NBPF15: variants seen among roughly 807,000 people sequenced by gnomAD.
NBPF15 encodes NBPF member 15, also known as NBPF family member NBPF15.
Under a neutral mutation model 62.2 loss-of-function variants are expected in NBPF15, and 74 were observed. The ratio of observed to expected loss-of-function variants is 1.19; its 90% CI spans 0.99 to 1.44. The LOEUF is 1.44. NBPF15 is among the 40% of genes most tolerant of loss of function. The pLI, the probability that NBPF15 is intolerant of heterozygous loss-of-function variation, is 0.00. For missense variants in NBPF15, 790 were observed against 550.0 expected (o/e 1.44, Z -4.36); for synonymous variants, 244 against 209.7 (o/e 1.16, Z -1.41).
chr1:144,437,476 T>C (rs1679374088), intron 9 of NBPF15, among the ~76,000 whole-genome samples: 1 of 144,114 alleles, frequency 6.9e-6, no homozygotes, highest in Non-Finnish European at 1.5e-5. Flanking sequence ...TACAAAGCCA[T>C]GTACAGAAAT....
chr1:144,444,099 A>G (rs1358875341), intron 6 of NBPF15, among the ~76,000 whole-genome samples: 2 of 151,768 alleles, frequency 1.3e-5, no homozygotes, highest in Non-Finnish European at 2.9e-5. Flanking sequence ...TGGCTATACC[A>G]TGTATGTTTG....
Position 144,443,064 on chromosome 1 carries a change from C to G in NBPF15, c.-190-2769G>C, listed in dbSNP as rs1462059851. 4 of 165,668 alleles carry G rather than the reference C, an allele frequency of 2.4e-5. No homozygotes were observed. In the Admixed American group the frequency reaches 2.6e-4, roughly 11 times the overall value. The allele number at this position is 165,668 out of a possible 1,614,324, so 10.3% of individuals were successfully genotyped here. On this transcript the variant is annotated intron_variant, in intron 6 of 21. Coordinates refer to ENST00000581897, the MANE Select transcript of NBPF15 (RefSeq NM_001385408.1). ...CATAGCTTTGCCCGCCTTTCCTTCA[C>G]ATACACACACCATTTTAATTTCAGG... is the stretch of plus-strand genomic sequence containing the variant.
intron 14 of NBPF15, among the ~76,000 whole-genome samples, chr1:144,428,934 A>T (rs1467195319): frequency 1.3e-5 from 2 of 152,022 alleles, no homozygotes; most frequent in African/African-American, 2.4e-5. Flanking sequence ...TTTTTTCCCC[A>T]ATAAATTGTA....
chr1:144,435,839 C>G lies in NBPF15; in HGVS notation c.508G>C (p.Asp170His), dbSNP rs1553540986. 1.7e-6 allele frequency: 2 copies of G among 1,171,898 alleles called. No homozygotes were observed. The highest frequency in any genetic ancestry group is 3.0e-5 in the African/African-American group (2 of 66,274). The allele number at this position is 1,171,898 out of a possible 1,614,324, so 72.6% of individuals were successfully genotyped here. A position where few individuals can be genotyped will look rare whatever the true frequency, so the allele number is the denominator to read the frequency against. ...QKLSPENDND[D>H]DEDVQVEVAE... ...ACCTCAACTTGAACATCTTCATCGT[C>G]ATCGTTGTCATTTTCTGTAAATACA... The change falls in exon 11 of 22, where the codon GAC becomes CAC. Residue 170 changes from aspartate to histidine, a missense_variant. Physicochemically the swap from Asp to His is moderately conservative, Grantham distance 81. Coordinates refer to ENST00000581897, the MANE Select transcript of NBPF15 (RefSeq NM_001385408.1).
intron 3 of NBPF15, among the ~76,000 whole-genome samples, chr1:144,457,489 G>T (rs1281115689): frequency 2.6e-5 from 4 of 151,976 alleles, no homozygotes; most frequent in Non-Finnish European, 5.9e-5. Context: ...CTGTATACAA[G>T]CTATTTTATT....
intron 15 of NBPF15, 112 bp from the exon 16 acceptor site, chr1:144,428,102 T>C: frequency 2.8e-6 from 2 of 712,618 alleles, no homozygotes; most frequent in Non-Finnish European, 5.2e-6. Flanking sequence ...AAAGGACAGA[T>C]CCATTAATGA....
chr1:144,433,225 C>G (rs1675807980), intron 13 of NBPF15, among the ~76,000 whole-genome samples: 1 of 151,932 alleles, frequency 6.6e-6, no homozygotes, highest in Non-Finnish European at 1.5e-5. Flanking sequence ...AAAATGAAGG[C>G]AGAAATAAAG....
At position 144,440,270 on chromosome 1, in the gene NBPF15, T is replaced by C. The variant is rs1553542370; in HGVS notation, c.-165A>G. The C allele has an allele frequency of 1.3e-6, 2 of 1,501,320 alleles. No individual in the cohort carries two copies. The highest frequency in any genetic ancestry group is 1.8e-6 in the Non-Finnish European group (2 of 1,121,128). 93.0% of individuals were successfully genotyped at this position (1,501,320 alleles called of 1,614,324 possible). On this transcript the variant is annotated 5_prime_UTR_variant, in exon 7 of 22. Coordinates refer to ENST00000581897, the MANE Select transcript of NBPF15 (RefSeq NM_001385408.1). ...CAGACTCTGATAAGAGTGAGGTAGA[T>C]TGTGGCCAGCGTGCCAGGTAACCGT...
chr1:144,446,547 C>A (rs1553544113), intron 6 of NBPF15, among the ~76,000 whole-genome samples: 1 of 152,206 alleles, frequency 6.6e-6, no homozygotes, highest in African/African-American at 2.4e-5. Context: ...ATAATGTTAC[C>A]TGTGGGTTCT....
At chr1:144,447,831 G>A (rs1191986229) in intron 6 of NBPF15, among the ~76,000 whole-genome samples, 5 of 152,174 alleles carry the variant, frequency 3.3e-5, no homozygotes, top group African/African-American at 1.2e-4. Context: ...GTGCTACATG[G>A]CATTGGGGCT....
intron 6 of NBPF15, among the ~76,000 whole-genome samples, chr1:144,442,180 A>ATATACACGTGTATATATATAAT (rs1165418667): frequency 1.0e-5 from 1 of 96,372 alleles, no homozygotes; most frequent in African/African-American, 4.3e-5. Flanking sequence ...ATATATATAT[A>ATATACACGTGTATATATATAAT]ATATATATAC....
intron 6 of NBPF15, among the ~76,000 whole-genome samples, chr1:144,440,959 C>A (rs1447379582): frequency 5.3e-5 from 8 of 152,010 alleles, no homozygotes; most frequent in African/African-American, 7.2e-5. Flanking sequence ...TGAGCCACCG[C>A]ACCCGGCCGA....
chr1:144,426,293 C>A lies in NBPF15; in HGVS notation c.1423G>T (p.Ala475Ser). 2 of 620,940 alleles carry A rather than the reference C, an allele frequency of 3.2e-6. No homozygotes were observed. The highest frequency in any genetic ancestry group is 2.0e-5 in the South Asian group (1 of 50,880). 38.5% of individuals were successfully genotyped at this position (620,940 alleles called of 1,614,324 possible). ...AGGTACTCACTGTCCACGTCAAGAGCCAAGCCAAGGTACTGTTCCTCCAAT... is the reference window on the plus strand; with the variant it reads ...AGGTACTCACTGTCCACGTCAAGAGACAAGCCAAGGTACTGTTCCTCCAAT... ...YSLEEQYLGLALDVDRIKKDQ... is the reference protein window; with the variant it reads ...YSLEEQYLGLSLDVDRIKKDQ... Residue 475 changes from alanine (A) to serine (S), a missense_variant, in exon 18 of 22, where the codon GCT becomes TCT. By Grantham distance (99) the Ala-to-Ser change is moderately conservative (BLOSUM62 1). Transcript: ENST00000581897.
chr1:144,427,783 G>T, intron 16 of NBPF15, 35 bp downstream of exon 16: 1 of 623,920 alleles, frequency 1.6e-6, no homozygotes, highest in Non-Finnish European at 2.8e-6. Flanking sequence ...AGAAGACTCA[G>T]TGGATCCTTA....
chr1:144,452,518 A>G lies in NBPF15; in HGVS notation c.-431-1648T>C, dbSNP rs587652113. Reference sequence around the variant, plus strand: ...CCAGTCATGGGGACCAGGGATTAGGAAATGACTACAAACAGGTTCAAGGGA... The same window carrying G: ...CCAGTCATGGGGACCAGGGATTAGGGAATGACTACAAACAGGTTCAAGGGA... On this transcript the variant is annotated intron_variant, in intron 4 of 21. Coordinates refer to ENST00000581897, the MANE Select transcript of NBPF15 (RefSeq NM_001385408.1). Among the ~76,000 whole-genome samples the G allele has an allele frequency of 6.6e-5, 10 of 151,630 alleles. No individual in the cohort carries two copies. In the East Asian group the frequency reaches 1.9e-3, roughly 29 times the overall value.
chr1:144,446,858 A>G (rs1171070492), intron 6 of NBPF15, among the ~76,000 whole-genome samples: 2 of 150,730 alleles, frequency 1.3e-5, no homozygotes, highest in African/African-American at 2.4e-5. Flanking sequence ...CTCTTCCCCA[A>G]GGGATCCAAT....
chr1:144,432,073 C>T (rs1187728826), intron 13 of NBPF15, among the ~76,000 whole-genome samples: 3,556 of 152,098 alleles, frequency 0.023, 157 homozygotes, highest in African/African-American at 0.081. Context: ...GCCACACTGC[C>T]TTCCACAATC....
chr1:144,438,993 A>T (rs1680836329), intron 8 of NBPF15, among the ~76,000 whole-genome samples: 2 of 151,126 alleles, frequency 1.3e-5, no homozygotes, highest in South Asian at 2.1e-4. Flanking sequence ...CATTATTATT[A>T]TTATTTTTTT....
At chr1:144,432,150 A>G (rs1313154967) in intron 13 of NBPF15, among the ~76,000 whole-genome samples, 2 of 152,052 alleles carry the variant, frequency 1.3e-5, no homozygotes, top group East Asian at 1.9e-4. Context: ...CCTCTCCAGC[A>G]TCTTCAACCT....
Sources: gnomAD v4.1 joint callset for allele counts (sites outside exome capture counted in the v4.1 genomes callset) on GRCh38, gnomAD v4.1.1 for gene constraint, MANE v1.5 for transcripts, NCBI Gene and HGNC (gene_info 2026-07-23, HGNC 2026-07-21) for gene names.